TMEM128: variants seen among roughly 807,000 people sequenced by gnomAD.
TMEM128 encodes transmembrane protein 128.
In TMEM128, 16 loss-of-function variants were observed where a neutral mutation model predicts 19.7. That is an observed-to-expected ratio of 0.81 (90% CI 0.55 to 1.23). The LOEUF is 1.23. TMEM128 is among the 50% of genes most tolerant of loss of function. TMEM128 has a pLI of 0.00. For synonymous variants in TMEM128, 98 were observed against 75.8 expected, an observed-to-expected ratio of 1.29 and a Z score of -1.52; for missense variants, 237 against 200.8, an observed-to-expected ratio of 1.18 and a Z score of -1.09.
intron 2 of TMEM128, among the ~76,000 whole-genome samples, chr4:4,241,960 T>C (rs1021125743): frequency 3.3e-5 from 5 of 152,198 alleles, no homozygotes; most frequent in Non-Finnish European, 5.9e-5. Context: ...TGGAGTGCAG[T>C]GCTGCAATCT....
intron 2 of TMEM128, among the ~76,000 whole-genome samples, chr4:4,241,325 C>T (rs1341656894): frequency 1.3e-5 from 2 of 152,186 alleles, no homozygotes; most frequent in African/African-American, 4.8e-5. Flanking sequence ...CTACTCACCA[C>T]CTCACCCTCA....
rs1462622701 is a variant in TMEM128, at chr4:4,248,167, C to A, written c.36G>T (p.Arg12=). 20 of 1,533,020 alleles carry A rather than the reference C, an allele frequency of 1.3e-5. No homozygotes were observed. The highest frequency in any genetic ancestry group is 7.5e-5 in the East Asian group (3 of 40,182). 95.0% of individuals were successfully genotyped at this position (1,533,020 alleles called of 1,614,324 possible). The part of the protein sequence containing the change: ...DSSRARQQLR[R]RFLLLPDAEA... ...CGGCGTCCGGCAGGAGGAGGAATCG[C>A]CGCCGGAGCTGCTGCCGGGCCCGCG... is the stretch of plus-strand genomic sequence containing the variant. The change falls in exon 1 of 5, where the codon CGG becomes CGT. Residue 12 remains arginine (R), a synonymous_variant. Transcript: ENST00000382753.
intron 2 of TMEM128, among the ~76,000 whole-genome samples, chr4:4,244,304 C>G (rs1238539243): frequency 6.6e-6 from 1 of 151,948 alleles, no homozygotes; most frequent in Admixed American, 6.6e-5. Context: ...GAAGAGACCT[C>G]GTCTCTACAA....
In TMEM128 at chr4:4,237,199, A is replaced by C. The variant is rs1224091924; in HGVS notation, c.*9+628T>G. 1.2e-5 allele frequency: 5 copies of C among 407,892 alleles called. No homozygotes were observed. The East Asian group carries it at 3.6e-4, about 30-fold the overall frequency. The allele number at this position is 407,892 out of a possible 1,614,324, so 25.3% of individuals were successfully genotyped here. A position where few individuals can be genotyped will look rare whatever the true frequency, so the allele number is the denominator to read the frequency against. ...GCAGAATTTTTTTTCCCAATTAGGT[A>C]AAATTGTTCATTCTTCCTGTATTCC... is the stretch of plus-strand genomic sequence containing the variant. On this transcript the variant is annotated intron_variant, in intron 4 of 4. Transcript: ENST00000382753.
At chr4:4,247,799 C>A in intron 1 of TMEM128, 1 of 1,456,502 alleles carries the variant, frequency 6.9e-7, no homozygotes, top group Non-Finnish European at 9.1e-7. Flanking sequence ...AAACACTGCG[C>A]ACATCATTGT....
At chr4:4,236,686 G>A (rs1032965706) in intron 4 of TMEM128, among the ~76,000 whole-genome samples, 1 of 152,218 alleles carries the variant, frequency 6.6e-6, no homozygotes, top group South Asian at 2.1e-4. Flanking sequence ...TGGGCATGGA[G>A]GTGCTAGCAA....
At chr4:4,239,063 A>T (rs1717840155) in intron 3 of TMEM128, among the ~76,000 whole-genome samples, 1 of 152,230 alleles carries the variant, frequency 6.6e-6, no homozygotes, top group South Asian at 2.1e-4. Context: ...TCCAATTGAT[A>T]TAAAGAAAGA....
At chr4:4,236,450 A>G (rs1717723646) in intron 4 of TMEM128, among the ~76,000 whole-genome samples, 194 bp from the exon 5 acceptor site, 1 of 152,194 alleles carries the variant, frequency 6.6e-6, no homozygotes, top group Admixed American at 6.5e-5. Flanking sequence ...GCTCCCAAAC[A>G]TCTGTAAAAA....
chr4:4,238,705 G>T (rs766073511), intron 3 of TMEM128, among the ~76,000 whole-genome samples: 25 of 152,098 alleles, frequency 1.6e-4, no homozygotes, highest in Non-Finnish European at 2.9e-4. Context: ...GTCATAGAAA[G>T]AATATGTATA....
rs544967298 is a variant in TMEM128 at position 4,237,353 on chromosome 4, G to A, written c.*9+474C>T. Among the ~76,000 whole-genome samples, 290 of 152,236 alleles carry A rather than the reference G, an allele frequency of 1.9e-3. 3 individuals are homozygous for A. Among genetic ancestry groups the A allele is most frequent in the African/African-American group, 6.4e-3 (265 of 41,530 alleles). ...GAAGGTACAAATCCTGTCTTTATGA[G>A]GTCTTTGAAAGGCAGGGTACCTTCT... On this transcript the variant is annotated intron_variant, in intron 4 of 4. Coordinates refer to ENST00000382753, the MANE Select transcript of TMEM128 (RefSeq NM_001297551.2).
intron 2 of TMEM128, among the ~76,000 whole-genome samples, chr4:4,242,939 T>C (rs978618020): frequency 6.6e-6 from 1 of 152,190 alleles, no homozygotes; most frequent in Non-Finnish European, 1.5e-5. Context: ...GTCCCCAGTT[T>C]CCAAAATTCT....
chr4:4,237,796 A>G (rs1358718620), intron 4 of TMEM128, 31 bp downstream of exon 4: 1 of 1,483,348 alleles, frequency 6.7e-7, no homozygotes, highest in Non-Finnish European at 9.4e-7. Context: ...AAACGAGTTC[A>G]TTTTTAGAAA....
rs1193536815 is a variant in TMEM128, at chr4:4,244,551, G to T, written c.239+1651C>A. ...GTTCTAAGAGAGATGACTGAGTCAA[G>T]CTGATGAAGATTAAATGTCTGTTAT... On this transcript the variant is annotated intron_variant, in intron 2 of 4. Coordinates refer to ENST00000382753, the MANE Select transcript of TMEM128 (RefSeq NM_001297551.2). Among the ~76,000 whole-genome samples, 3 of 152,318 alleles carry T rather than the reference G, an allele frequency of 2.0e-5. No homozygotes were observed. In the East Asian group the frequency reaches 5.8e-4, roughly 29 times the overall value.
chr4:4,241,093 T>C (rs960695731), intron 2 of TMEM128, among the ~76,000 whole-genome samples: 2 of 151,996 alleles, frequency 1.3e-5, no homozygotes, highest in African/African-American at 4.8e-5. Flanking sequence ...TCTCAAAAAA[T>C]AAAATAAATA....
chr4:4,248,205 T>C lies in TMEM128; in HGVS notation c.-3A>G. 1.3e-6 allele frequency: 2 copies of C among 1,505,192 alleles called. No homozygotes were observed. The highest frequency in any genetic ancestry group is 2.6e-5 in the East Asian group (1 of 39,190). The allele number at this position is 1,505,192 out of a possible 1,614,324, so 93.2% of individuals were successfully genotyped here. On this transcript the variant is annotated 5_prime_UTR_variant, in exon 1 of 5. Coordinates refer to ENST00000382753, the MANE Select transcript of TMEM128 (RefSeq NM_001297551.2). ...TGCCGGGCCCGCGAGGAGTCCATCT[T>C]GGTACCGCCCCGAAATGCGACGGAA...
chr4:4,244,604 CT>C (rs1718093599), intron 2 of TMEM128, among the ~76,000 whole-genome samples: 1 of 152,184 alleles, frequency 6.6e-6, no homozygotes, highest in South Asian at 2.1e-4. Flanking sequence ...AAGAATATGG[CT>C]TTGGTGAGTG....
chr4:4,241,219 T>C (rs570278298), intron 2 of TMEM128, among the ~76,000 whole-genome samples: 2 of 152,360 alleles, frequency 1.3e-5, no homozygotes, highest in African/African-American at 4.8e-5. Context: ...AAGTGGACTT[T>C]CTTGGAATAC....
Position 4,240,332 on chromosome 4 carries a change from T to G in TMEM128, c.387A>C (p.Ala129=). 1 of 1,613,086 alleles carries G rather than the reference T, an allele frequency of 6.2e-7. No homozygotes were observed. The highest frequency in any genetic ancestry group is 8.5e-7 in the Non-Finnish European group (1 of 1,179,742). The change falls in exon 3 of 5, where the codon GCA becomes GCC. Residue 129 remains alanine (A), a synonymous_variant. Coordinates refer to ENST00000382753, the MANE Select transcript of TMEM128 (RefSeq NM_001297551.2). ...LIPITTASFI[A]AGICFNIALW... ...CAAAGTTAACTTACCAAATTCCTGC[T>G]GCAATAAAGGAGGCAGTGGTAATGG...
chr4:4,244,974 C>T (rs186974754), intron 2 of TMEM128, among the ~76,000 whole-genome samples: 3 of 152,266 alleles, frequency 2.0e-5, no homozygotes, highest in East Asian at 3.9e-4. Flanking sequence ...CCCCTGTGGG[C>T]TTTTTCCTTG....
Sources: gnomAD v4.1 joint callset for allele counts (sites outside exome capture counted in the v4.1 genomes callset) on GRCh38, gnomAD v4.1.1 for gene constraint, MANE v1.5 for transcripts, NCBI Gene and HGNC (gene_info 2026-07-23, HGNC 2026-07-21) for gene names.